SOX5: variants seen among roughly 807,000 people sequenced by gnomAD.
SOX5 encodes the protein transcription factor SOX-5.
SOX5 carries 9 observed loss-of-function variants against 92.0 expected under a neutral mutation model. The observed-to-expected ratio is 0.10, with a 90% CI of 0.06 to 0.17. The LOEUF (loss-of-function observed/expected upper bound fraction) is 0.17, where lower values mean the gene tolerates loss of function less well. SOX5 is among the 10% of genes least tolerant of loss of function. The probability of loss-of-function intolerance (pLI) is 1.00; values close to 1 mark genes in which losing one functional copy is unlikely to be tolerated. For missense variants in SOX5, 642 were observed against 944.5 expected (o/e 0.68, Z 4.20); for synonymous variants, 344 against 336.3 (o/e 1.02, Z -0.25).
chr12:23,847,840 A>G (rs2096591488), intron 2 of SOX5, among the ~76,000 whole-genome samples: 1 of 152,196 alleles, frequency 6.6e-6, no homozygotes, highest in Non-Finnish European at 1.5e-5. Context: ...AAATCAATGT[A>G]CAAAATGTAA....
intron 2 of SOX5, among the ~76,000 whole-genome samples, chr12:24,280,637 G>C (rs887713200): frequency 1.3e-4 from 20 of 152,066 alleles, no homozygotes; most frequent in Admixed American, 1.0e-3. Flanking sequence ...ACAGAGGCAA[G>C]CCCCGGGGAA....
chr12:24,234,779 G>A (rs1964119828), intron 3 of SOX5, among the ~76,000 whole-genome samples: 1 of 152,176 alleles, frequency 6.6e-6, no homozygotes, highest in African/African-American at 2.4e-5. Flanking sequence ...AAATGCTACA[G>A]TGATGGTTCT....
chr12:24,204,325 TTAA>T (rs1313074856), intron 4 of SOX5, among the ~76,000 whole-genome samples: 1 of 118,636 alleles, frequency 8.4e-6, no homozygotes, highest in Non-Finnish European at 1.8e-5. Context: ...ATTATTATTA[TTAA>T]TTATTATTAT....
chr12:24,522,487 G>A (rs1392441266), intron 1 of SOX5, among the ~76,000 whole-genome samples: 1 of 151,908 alleles, frequency 6.6e-6, no homozygotes, highest in Non-Finnish European at 1.5e-5. Context: ...GAAGCTTCAG[G>A]CCAATATCTT....
chr12:24,180,644 T>C (rs1342549336), intron 4 of SOX5, among the ~76,000 whole-genome samples: 1 of 152,240 alleles, frequency 6.6e-6, no homozygotes, highest in Non-Finnish European at 1.5e-5. Context: ...ACCATTGAGT[T>C]TCTTCTTCAT....
chr12:24,128,307 G>A (rs1949310906), intron 4 of SOX5, among the ~76,000 whole-genome samples: 6 of 152,162 alleles, frequency 3.9e-5, no homozygotes, highest in Admixed American at 3.9e-4. Context: ...GCCAGTCCCT[G>A]TGCTATTAAC....
chr12:24,226,011 T>A (rs996531620), intron 3 of SOX5, among the ~76,000 whole-genome samples: 4 of 152,178 alleles, frequency 2.6e-5, no homozygotes, highest in Non-Finnish European at 5.9e-5. Flanking sequence ...AATCAATCTC[T>A]TAAGTGCTTC....
intron 1 of SOX5, among the ~76,000 whole-genome samples, chr12:24,511,045 G>A (rs1362911571): frequency 6.6e-6 from 1 of 152,088 alleles, no homozygotes; most frequent in Non-Finnish European, 1.5e-5. Context: ...TAAATTCTGC[G>A]GGACCAGGGA....
intron 1 of SOX5, among the ~76,000 whole-genome samples, chr12:24,561,856 C>T (rs1208656455): frequency 3.9e-5 from 6 of 152,276 alleles, no homozygotes; most frequent in African/African-American, 1.4e-4. Context: ...GGTTAAGGGG[C>T]TTTGTCCAAC....
Position 23,740,947 on chromosome 12 carries a change from C to A in SOX5, c.661G>T (p.Asp221Tyr), listed in dbSNP as rs773273637. 1 of 1,612,702 alleles carries A rather than the reference C, an allele frequency of 6.2e-7. No homozygotes were observed. The highest frequency in any genetic ancestry group is 1.1e-5 in the South Asian group (1 of 90,922). The change falls in exon 5 of 15, where the codon GAT becomes TAT. Residue 221 changes from aspartate to tyrosine, a missense_variant. Around this residue, in one of 8 missense-constraint regions of SOX5, gnomAD observed 324 missense variants for 461.6 expected, o/e 0.70. Transcript: ENST00000451604. Reference protein sequence around the residue: ...SLREQLLAAHDEQKKLAASQI... With the variant: ...SLREQLLAAHYEQKKLAASQI... ...GAGGCAGCTAGTTTCTTCTGCTCAT[C>A]GTGGGCAGCCAACAGCTGCTCTCGG...
At chr12:24,143,827 AAAGAGGAGGAGG>A (rs1363654359) in intron 4 of SOX5, among the ~76,000 whole-genome samples, 11 of 151,686 alleles carry the variant, frequency 7.3e-5, no homozygotes, top group South Asian at 2.1e-4. Flanking sequence ...AAGAAGAAAG[AAAGAGGAGGAGG>A]AAGAGGAGGA....
intron 1 of SOX5, among the ~76,000 whole-genome samples, chr12:24,490,174 T>C (rs1209079701): frequency 6.6e-6 from 1 of 152,240 alleles, no homozygotes; most frequent in Non-Finnish European, 1.5e-5. Context: ...CCATTTGTTC[T>C]ATAACTCAGC....
At chr12:24,264,558 G>A (rs1025065473) in intron 3 of SOX5, among the ~76,000 whole-genome samples, 10 of 152,106 alleles carry the variant, frequency 6.6e-5, no homozygotes, top group Non-Finnish European at 1.3e-4. Context: ...ATTTGAATAA[G>A]TTATCAAATG....
intron 1 of SOX5, among the ~76,000 whole-genome samples, chr12:24,401,589 A>G (rs1961623973): frequency 6.6e-6 from 1 of 151,440 alleles, no homozygotes; most frequent in African/African-American, 2.4e-5. Context: ...ATATGCCTGT[A>G]GTCTCTGCTA....
chr12:24,350,219 C>A (rs1953898628), intron 2 of SOX5, among the ~76,000 whole-genome samples: 1 of 152,198 alleles, frequency 6.6e-6, no homozygotes, highest in African/African-American at 2.4e-5. Context: ...TCTGTAGAAA[C>A]CTTAGAACTT....
intron 1 of SOX5, among the ~76,000 whole-genome samples, chr12:24,529,406 T>C (rs1388133465): frequency 6.6e-6 from 1 of 152,234 alleles, no homozygotes; most frequent in Admixed American, 6.5e-5. Flanking sequence ...ACTGGGATCT[T>C]TGTAGCATGT....
chr12:23,957,125 T>C (rs1946374183), intron 4 of SOX5, among the ~76,000 whole-genome samples: 1 of 152,222 alleles, frequency 6.6e-6, no homozygotes, highest in African/African-American at 2.4e-5. Flanking sequence ...TTTAAGACTA[T>C]TACTTGTAGT....
At chr12:24,304,504 T>A (rs914485214) in intron 2 of SOX5, among the ~76,000 whole-genome samples, 10 of 152,240 alleles carry the variant, frequency 6.6e-5, no homozygotes, top group African/African-American at 2.4e-4. Flanking sequence ...CAGAGGAAGA[T>A]TGAGCAGTTT....
At chr12:24,557,579 GT>G (rs1566465582) in intron 1 of SOX5, among the ~76,000 whole-genome samples, 1 of 152,000 alleles carries the variant, frequency 6.6e-6, no homozygotes, top group East Asian at 1.9e-4. Flanking sequence ...AGTTTAATTG[GT>G]GTTGAAGTAA....
Sources: gnomAD v4.1 joint callset for allele counts (sites outside exome capture counted in the v4.1 genomes callset) on GRCh38, gnomAD v4.1.1 for gene constraint, gnomAD v4.1.1 regional missense constraint, MANE v1.5 for transcripts, NCBI Gene and HGNC (gene_info 2026-07-23, HGNC 2026-07-21) for gene names.